The following ARHGAP24 variants were observed in gnomAD, a reference collection of about 807,000 sequenced individuals.
The protein encoded by ARHGAP24 is rho GTPase-activating protein 24.
In ARHGAP24, 50 loss-of-function variants were observed where a neutral mutation model predicts 76.4. That is an observed-to-expected ratio of 0.65 (90% CI 0.52 to 0.83). The LOEUF is 0.83. ARHGAP24 is among the 40% of genes least tolerant of loss of function. ARHGAP24 has a pLI of 0.00. For synonymous variants in ARHGAP24, 345 were observed against 323.3 expected (o/e 1.07, Z -0.72); for missense variants, 930 against 914.2 (o/e 1.02, Z -0.22).
intron 3 of ARHGAP24, among the ~76,000 whole-genome samples, chr4:85,857,072 TA>T (rs1426439475): frequency 1.3e-5 from 2 of 152,204 alleles, no homozygotes; most frequent in Non-Finnish European, 2.9e-5. Flanking sequence ...TACTCAATAA[TA>T]CTTCTGGAAT....
At chr4:85,980,707 C>T (rs1739608763) in intron 8 of ARHGAP24, among the ~76,000 whole-genome samples, 1 of 152,148 alleles carries the variant, frequency 6.6e-6, no homozygotes, top group Non-Finnish European at 1.5e-5. Flanking sequence ...TGATGTCTTT[C>T]CAGCCTAGAG....
intron 3 of ARHGAP24, among the ~76,000 whole-genome samples, chr4:85,779,718 T>G (rs868847403): frequency 6.6e-6 from 1 of 152,032 alleles, no homozygotes; most frequent in South Asian, 2.1e-4. Context: ...CCATAGAGGG[T>G]CTTCCAGAGC....
At chr4:85,572,404 C>A (rs1416612340) in intron 2 of ARHGAP24, among the ~76,000 whole-genome samples, 1 of 152,116 alleles carries the variant, frequency 6.6e-6, no homozygotes, top group Non-Finnish European at 1.5e-5. Flanking sequence ...CAGAGTTCCT[C>A]AAACTAGAAT....
rs146107961 is a variant in ARHGAP24 at position 85,869,819 on chromosome 4, C to T, written c.269-53829C>T. ...AGAAACAGGAAATTGCGTTAAAGTTCCAGGGCCCCCTGTTTAATTAGAATT... is the reference window on the plus strand; with the variant it reads ...AGAAACAGGAAATTGCGTTAAAGTTTCAGGGCCCCCTGTTTAATTAGAATT... On this transcript the variant is annotated intron_variant, in intron 3 of 9. Coordinates refer to ENST00000395184, the MANE Select transcript of ARHGAP24 (RefSeq NM_001025616.3). Among the ~76,000 whole-genome samples, 6 of 152,232 alleles carry T rather than the reference C, an allele frequency of 3.9e-5. No individual in the cohort carries two copies. The East Asian group carries it at 1.2e-3, about 29-fold the overall frequency.
chr4:85,905,766 G>T (rs1246172798), intron 3 of ARHGAP24, among the ~76,000 whole-genome samples: 3 of 152,184 alleles, frequency 2.0e-5, no homozygotes, highest in Non-Finnish European at 4.4e-5. Context: ...ACTGTCAGAA[G>T]CAGTCGGTTT....
intron 3 of ARHGAP24, among the ~76,000 whole-genome samples, chr4:85,746,847 G>A (rs923533229): frequency 1.3e-4 from 20 of 151,956 alleles, no homozygotes; most frequent in African/African-American, 4.1e-4. Flanking sequence ...TAGAGACGGG[G>A]TTTCACTATG....
chr4:85,981,844 G>A lies in ARHGAP24; in HGVS notation c.928+4153G>A, dbSNP rs1003270809. 2.0e-5 allele frequency among the ~76,000 whole-genome samples: 3 copies of A among 152,164 alleles called. No individual in the cohort carries two copies. The East Asian group carries it at 5.8e-4, about 29-fold the overall frequency. On this transcript the variant is annotated intron_variant, in intron 8 of 9. Transcript: ENST00000395184. ...ATTGGCCACCTCTATTGGACTAGGTGCAATCCCTCCCACTTTTAGCCGCTC... is the reference window on the plus strand; with the variant it reads ...ATTGGCCACCTCTATTGGACTAGGTACAATCCCTCCCACTTTTAGCCGCTC...
At chr4:85,579,464 A>G (rs1019954626) in intron 2 of ARHGAP24, among the ~76,000 whole-genome samples, 8 of 148,560 alleles carry the variant, frequency 5.4e-5, no homozygotes, top group Middle Eastern at 3.3e-3. Context: ...TAAATATTTC[A>G]TAGCCATTTG....
chr4:85,944,916 C>T (rs953611867), intron 5 of ARHGAP24, among the ~76,000 whole-genome samples: 1 of 152,048 alleles, frequency 6.6e-6, no homozygotes, highest in African/African-American at 2.4e-5. Flanking sequence ...GGCACAATCT[C>T]GGCTCACCAC....
intron 2 of ARHGAP24, among the ~76,000 whole-genome samples, chr4:85,625,331 C>T (rs1249233702): frequency 1.3e-5 from 2 of 152,100 alleles, no homozygotes; most frequent in Non-Finnish European, 2.9e-5. Flanking sequence ...CATTACGTAC[C>T]TAGTAGTCAT....
At chr4:85,740,014 G>T (rs892158887) in intron 3 of ARHGAP24, among the ~76,000 whole-genome samples, 1 of 152,080 alleles carries the variant, frequency 6.6e-6, no homozygotes. Flanking sequence ...CATAGTTCAC[G>T]AATGTCCACA....
intron 3 of ARHGAP24, among the ~76,000 whole-genome samples, chr4:85,874,498 T>A (rs923421423): frequency 1.3e-5 from 2 of 152,050 alleles, no homozygotes; most frequent in African/African-American, 2.4e-5. Context: ...TCAGGTTCAT[T>A]CTTAAGGTTT....
intron 3 of ARHGAP24, among the ~76,000 whole-genome samples, chr4:85,894,494 C>A (rs1044482471): frequency 3.3e-5 from 5 of 152,166 alleles, no homozygotes; most frequent in African/African-American, 1.2e-4. Context: ...TTTGAAGGCA[C>A]AAGATCATCC....
At chr4:85,482,057 A>G (rs1722835338) in intron 1 of ARHGAP24, among the ~76,000 whole-genome samples, 1 of 152,180 alleles carries the variant, frequency 6.6e-6, no homozygotes, top group South Asian at 2.1e-4. Flanking sequence ...TTTTGTTGGA[A>G]CTATCTGGTT....
chr4:85,719,908 G>T (rs1724864041), intron 2 of ARHGAP24, among the ~76,000 whole-genome samples: 2 of 152,084 alleles, frequency 1.3e-5, no homozygotes, highest in African/African-American at 4.8e-5. Flanking sequence ...AAATTGCCAG[G>T]GAAAGAATGT....
At position 85,557,213 on chromosome 4, in the gene ARHGAP24, G is replaced by T. The variant is rs144228145; in HGVS notation, c.-20-13309G>T. ...CAGGCCAATGGGCCTTATCCTGCAAGGTGCAGTGGAGGCATGGCTTGCAGT... is the reference window on the plus strand; with the variant it reads ...CAGGCCAATGGGCCTTATCCTGCAATGTGCAGTGGAGGCATGGCTTGCAGT... On this transcript the variant is annotated intron_variant, in intron 1 of 9. Transcript: ENST00000395184. Among the ~76,000 whole-genome samples the T allele has an allele frequency of 6.8e-3, 1,034 of 151,878 alleles. 8 individuals are homozygous for T. Among genetic ancestry groups the T allele is most frequent in the African/African-American group, 0.016 (664 of 41,462 alleles).
At chr4:85,684,705 G>C (rs1723355417) in intron 2 of ARHGAP24, among the ~76,000 whole-genome samples, 1 of 152,200 alleles carries the variant, frequency 6.6e-6, no homozygotes, top group African/African-American at 2.4e-5. Context: ...CTGTACAGTT[G>C]ATTGAGAGTC....
chr4:85,510,888 G>A (rs945094346), intron 1 of ARHGAP24, among the ~76,000 whole-genome samples: 2 of 144,342 alleles, frequency 1.4e-5, no homozygotes, highest in Non-Finnish European at 3.0e-5. Context: ...TCTTTGGAAA[G>A]GAGAACCCAT....
chr4:85,862,127 G>A (rs1182946526), intron 3 of ARHGAP24, among the ~76,000 whole-genome samples: 2 of 151,838 alleles, frequency 1.3e-5, no homozygotes, highest in Non-Finnish European at 2.9e-5. Context: ...TGAATACTCA[G>A]AGTTTCAGCT....
Sources: allele counts gnomAD v4.1 joint callset (sites outside exome capture counted in the v4.1 genomes callset), GRCh38; gene constraint gnomAD v4.1.1; transcripts MANE v1.5; gene names NCBI Gene and HGNC (gene_info 2026-07-23, HGNC 2026-07-21).